CNTN4: variants seen among roughly 807,000 people sequenced by gnomAD.
CNTN4 encodes the protein contactin-4.
A neutral mutation model predicts 122.5 loss-of-function variants in CNTN4; 77 were observed. That is an observed-to-expected ratio of 0.63 (90% CI 0.52 to 0.76). The LOEUF (loss-of-function observed/expected upper bound fraction) is 0.76. Among genes scored for constraint, CNTN4 ranks in the 30% least tolerant of loss-of-function variants. The pLI, the probability that CNTN4 is intolerant of heterozygous loss-of-function variation, is 0.00. For synonymous variants in CNTN4, 512 were observed against 447.0 expected (o/e 1.15, Z -1.83); for missense variants, 1,256 against 1,259.1 (o/e 1.00, Z 0.04).
chr3:2,407,681 A>G (rs1435435712), intron 3 of CNTN4, among the ~76,000 whole-genome samples: 1 of 152,174 alleles, frequency 6.6e-6, no homozygotes, highest in Non-Finnish European at 1.5e-5. Context: ...TGGAAATAGC[A>G]CTGTATGTTA....
chr3:2,444,019 C>A (rs1357088949), intron 3 of CNTN4, among the ~76,000 whole-genome samples: 1 of 152,112 alleles, frequency 6.6e-6, no homozygotes, highest in African/African-American at 2.4e-5. Context: ...ATAGCCCCAG[C>A]CACCTTAATT....
At chr3:2,300,339 T>C (rs1183421987) in intron 2 of CNTN4, among the ~76,000 whole-genome samples, 1 of 152,090 alleles carries the variant, frequency 6.6e-6, no homozygotes, top group Non-Finnish European at 1.5e-5. Flanking sequence ...CAGGGTAGAT[T>C]TGTATGTGTA....
At chr3:2,454,819 G>C (rs1279717996) in intron 3 of CNTN4, among the ~76,000 whole-genome samples, 1 of 152,176 alleles carries the variant, frequency 6.6e-6, no homozygotes, top group African/African-American at 2.4e-5. Context: ...ACCTGAATGT[G>C]TGAATATTTT....
chr3:2,809,668 A>C (rs2092558027), intron 6 of CNTN4, among the ~76,000 whole-genome samples: 1 of 152,112 alleles, frequency 6.6e-6, no homozygotes, highest in Non-Finnish European at 1.5e-5. Flanking sequence ...AAAAGAGATG[A>C]GCTCCCGTAG....
chr3:2,418,601 T>C (rs2047503930), intron 3 of CNTN4, among the ~76,000 whole-genome samples: 1 of 152,190 alleles, frequency 6.6e-6, no homozygotes, highest in South Asian at 2.1e-4. Context: ...TTTCTTTATT[T>C]AATAACTGCT....
chr3:2,235,483 T>TCCCCTTTTAATTATAGGAATTAAA (rs2039646988), intron 2 of CNTN4, among the ~76,000 whole-genome samples: 4 of 152,170 alleles, frequency 2.6e-5, no homozygotes, highest in Non-Finnish European at 5.9e-5. Context: ...CCCCTTTTTC[T>TCCCCTTTTAATTATAGGAATTAAA]AATAATTCCT....
chr3:2,866,534 CT>C, intron 7 of CNTN4: 1 of 1,303,894 alleles, frequency 7.7e-7, no homozygotes, highest in Non-Finnish European at 1.0e-6. Context: ...ATCAGTGTAT[CT>C]TTTACTTCTC....
intron 6 of CNTN4, among the ~76,000 whole-genome samples, chr3:2,809,474 G>T (rs2092552888): frequency 6.6e-6 from 1 of 151,408 alleles, no homozygotes; most frequent in African/African-American, 2.5e-5. Flanking sequence ...TGGGGACGTA[G>T]GCAGGGGCTG....
chr3:3,034,226 AG>A (rs1699408245), intron 16 of CNTN4, among the ~76,000 whole-genome samples: 2 of 152,224 alleles, frequency 1.3e-5, no homozygotes, highest in African/African-American at 4.8e-5. Flanking sequence ...TTATGAAATC[AG>A]GAGCAATATC....
chr3:2,500,504 A>G (rs1023000585), intron 3 of CNTN4, among the ~76,000 whole-genome samples: 1 of 152,062 alleles, frequency 6.6e-6, no homozygotes, highest in African/African-American at 2.4e-5. Flanking sequence ...CTTTCTAATG[A>G]GAATTCTGCA....
chr3:3,007,028 CA>C (rs1486739554), intron 14 of CNTN4, among the ~76,000 whole-genome samples: 1 of 152,188 alleles, frequency 6.6e-6, no homozygotes, highest in African/African-American at 2.4e-5. Flanking sequence ...TCCCTGAAAA[CA>C]TACCAAATCC....
chr3:2,384,995 T>C (rs1358582494), intron 3 of CNTN4, among the ~76,000 whole-genome samples: 5 of 152,210 alleles, frequency 3.3e-5, no homozygotes, highest in Admixed American at 1.3e-4. Context: ...TTGTTGGTTT[T>C]ACTGCCTCCA....
In CNTN4 at chr3:2,286,350, T is replaced by A. The variant is rs1043440463; in HGVS notation, c.-144-52828T>A. 2.7e-5 allele frequency among the ~76,000 whole-genome samples: 4 copies of A among 150,100 alleles called. No individual in the cohort carries two copies. The East Asian group carries it at 7.9e-4, about 30-fold the overall frequency. ...TCTAATTGATTAGAAAAATGAGAAA[T>A]TCTCTTTTTTTTAAGTATATAGGAA... On this transcript the variant is annotated intron_variant, in intron 2 of 24. Coordinates refer to ENST00000418658, the MANE Select transcript of CNTN4 (RefSeq NM_175607.3).
intron 4 of CNTN4, among the ~76,000 whole-genome samples, chr3:2,596,953 C>A (rs754813017): frequency 2.0e-5 from 3 of 151,984 alleles, no homozygotes; most frequent in Non-Finnish European, 4.4e-5. Flanking sequence ...AAAAACATCC[C>A]TGGTCATTTT....
rs935195695 is a variant in CNTN4, at chr3:2,100,573, A to C, written c.-211A>C. 2 of 152,206 alleles carry C rather than the reference A, an allele frequency of 1.3e-5. No individual in the cohort carries two copies. Among genetic ancestry groups the C allele is most frequent in the Non-Finnish European group, 2.9e-5 (2 of 68,046 alleles). 9.4% of individuals were successfully genotyped at this position (152,206 alleles called of 1,614,324 possible). A position where few individuals can be genotyped will look rare whatever the true frequency, so the allele number is the denominator to read the frequency against. ...TCTACCCAAGTGGGTGAAAAAGAAC[A>C]GTGTGTCATGAAGACAGGCACCTGG... is the stretch of plus-strand genomic sequence containing the variant. On this transcript the variant is annotated 5_prime_UTR_variant, in exon 2 of 25. Coordinates refer to ENST00000418658, the MANE Select transcript of CNTN4 (RefSeq NM_175607.3).
chr3:2,823,031 C>T (rs907574684), intron 7 of CNTN4, among the ~76,000 whole-genome samples: 1 of 152,216 alleles, frequency 6.6e-6, no homozygotes, highest in Non-Finnish European at 1.5e-5. Flanking sequence ...TCTCAGACAT[C>T]CATCAGTTTT....
intron 4 of CNTN4, among the ~76,000 whole-genome samples, chr3:2,661,506 T>C (rs1032033259): frequency 1.4e-4 from 20 of 143,894 alleles, no homozygotes; most frequent in East Asian, 7.7e-4. Context: ...GATCAAATAA[T>C]TTTTGTTTAA....
At chr3:3,026,787 C>G (rs1307728872) in intron 15 of CNTN4, among the ~76,000 whole-genome samples, 2 of 152,114 alleles carry the variant, frequency 1.3e-5, no homozygotes, top group African/African-American at 2.4e-5. Context: ...TTTACTATCT[C>G]CAGGTAATTT....
chr3:2,605,871 G>T (rs533458847), intron 4 of CNTN4, among the ~76,000 whole-genome samples: 7 of 152,130 alleles, frequency 4.6e-5, no homozygotes, highest in African/African-American at 1.7e-4. Context: ...TAAATAATTC[G>T]AATAATAATT....
Sources: allele counts gnomAD v4.1 joint callset (sites outside exome capture counted in the v4.1 genomes callset), GRCh38; gene constraint gnomAD v4.1.1; transcripts MANE v1.5; gene names NCBI Gene and HGNC (gene_info 2026-07-23, HGNC 2026-07-21).